The following SLC25A17 variants were observed in gnomAD, a reference collection of about 807,000 sequenced individuals.
SLC25A17 encodes solute carrier family 25 member 17.
Under a neutral mutation model 38.5 loss-of-function variants are expected in SLC25A17, and 26 were observed. That is an observed-to-expected ratio of 0.68 (90% confidence interval 0.50 to 0.94). SLC25A17 has a LOEUF of 0.94. SLC25A17 is among the 40% of genes least tolerant of loss of function. The pLI, the probability that SLC25A17 is intolerant of heterozygous loss-of-function variation, is 0.00. For missense variants in SLC25A17, 333 were observed against 372.7 expected (o/e 0.89, Z 0.88); for synonymous variants, 139 against 136.2 (o/e 1.02, Z -0.14).
chr22:40,796,614 TCA>T (rs1491257526), intron 2 of SLC25A17, among the ~76,000 whole-genome samples: 5 of 130,622 alleles, frequency 3.8e-5, no homozygotes, highest in Admixed American at 1.5e-4. Flanking sequence ...AGACTCTGTC[TCA>T]AAAAAAAAAA....
At chr22:40,783,295 G>C (rs1229723109) in intron 4 of SLC25A17, among the ~76,000 whole-genome samples, 1 of 152,238 alleles carries the variant, frequency 6.6e-6, no homozygotes, top group African/African-American at 2.4e-5. Flanking sequence ...GTGGGCTCTT[G>C]TGTAGGATGA....
chr22:40,775,438 T>A (rs1323075684), intron 7 of SLC25A17, among the ~76,000 whole-genome samples: 1 of 32,850 alleles, frequency 3.0e-5, no homozygotes, highest in Admixed American at 2.1e-4. Flanking sequence ...ATCTGATGGT[T>A]TTTTTTTTTT....
intron 7 of SLC25A17, among the ~76,000 whole-genome samples, chr22:40,776,492 T>C (rs944860215): frequency 7.2e-5 from 11 of 152,374 alleles, no homozygotes; most frequent in African/African-American, 2.6e-4. Context: ...TTTAAGGAAC[T>C]TGTCTCCACA....
intron 1 of SLC25A17, among the ~76,000 whole-genome samples, chr22:40,807,882 T>C (rs2057543883): frequency 6.6e-6 from 1 of 152,204 alleles, no homozygotes; most frequent in African/African-American, 2.4e-5. Context: ...TATAAGCAGC[T>C]GTTACCTGAA....
intron 4 of SLC25A17, among the ~76,000 whole-genome samples, chr22:40,783,106 G>T (rs1385403358): frequency 1.3e-5 from 2 of 152,098 alleles, no homozygotes; most frequent in Non-Finnish European, 2.9e-5. Flanking sequence ...TTGTTATGAA[G>T]AGAAGTTTAA....
intron 1 of SLC25A17, among the ~76,000 whole-genome samples, chr22:40,813,327 C>T (rs1428907106): frequency 2.0e-5 from 3 of 152,034 alleles, no homozygotes; most frequent in Non-Finnish European, 4.4e-5. Context: ...CACTTGAGGT[C>T]AGGAGTTCGA....
intron 1 of SLC25A17, among the ~76,000 whole-genome samples, chr22:40,814,776 TA>T (rs2057619360): frequency 1.4e-5 from 2 of 145,192 alleles, no homozygotes; most frequent in Admixed American, 6.8e-5. Context: ...TATATATATA[TA>T]TATATATATA....
At chr22:40,816,989 C>A (rs1006261128) in intron 1 of SLC25A17, among the ~76,000 whole-genome samples, 1 of 152,176 alleles carries the variant, frequency 6.6e-6, no homozygotes, top group Non-Finnish European at 1.5e-5. Flanking sequence ...ACTCCTTGCA[C>A]CTAGAACAGC....
intron 4 of SLC25A17, among the ~76,000 whole-genome samples, chr22:40,781,818 T>A (rs947917237): frequency 2.0e-5 from 3 of 152,140 alleles, no homozygotes; most frequent in Admixed American, 2.0e-4. Flanking sequence ...AAGGTCAGCA[T>A]TCCACTGAGA....
chr22:40,781,061 C>T (rs1367706467), intron 4 of SLC25A17, among the ~76,000 whole-genome samples: 1 of 152,030 alleles, frequency 6.6e-6, no homozygotes, highest in Non-Finnish European at 1.5e-5. Context: ...GTTCCAGCTA[C>T]TCAAGAGGCT....
chr22:40,814,496 A>T (rs988359832), intron 1 of SLC25A17, among the ~76,000 whole-genome samples: 3 of 151,928 alleles, frequency 2.0e-5, no homozygotes, highest in African/African-American at 7.3e-5. Flanking sequence ...TATGATTTAC[A>T]ATATTGACTG....
intron 4 of SLC25A17, among the ~76,000 whole-genome samples, chr22:40,787,398 G>A (rs1434768450): frequency 1.3e-5 from 2 of 152,188 alleles, no homozygotes; most frequent in Non-Finnish European, 1.5e-5. Context: ...CTTGGTAAGC[G>A]TAAAACTCAG....
At chr22:40,776,804 A>G (rs1006931981) in intron 7 of SLC25A17, among the ~76,000 whole-genome samples, 1 of 152,104 alleles carries the variant, frequency 6.6e-6, no homozygotes, top group Admixed American at 6.5e-5. Flanking sequence ...CTGAGGCAGG[A>G]GGACTGCTTG....
chr22:40,804,131 C>T (rs552976884), intron 1 of SLC25A17, among the ~76,000 whole-genome samples: 4 of 152,170 alleles, frequency 2.6e-5, no homozygotes, highest in Admixed American at 2.6e-4. Context: ...ACTTTCAATC[C>T]CAATTCGGGC....
Position 40,799,172 on chromosome 22 carries a change from T to A in SLC25A17, c.55-89A>T, listed in dbSNP as rs959918616. ...TTTGAGACAGGATCTTGCTCTGTCA[T>A]CTAGGCTGGAGTGCAGTGGTTTACG... is the stretch of plus-strand genomic sequence containing the variant. On this transcript the variant is annotated intron_variant, in intron 1 of 8. Transcript: ENST00000435456. The A allele has an allele frequency of 6.6e-6, 6 of 915,104 alleles. No individual in the cohort carries two copies. The African/African-American group carries it at 1.3e-4, about 20-fold the overall frequency. The allele number at this position is 915,104 out of a possible 1,614,324, so 56.7% of individuals were successfully genotyped here.
In SLC25A17 at chr22:40,806,362, C is replaced by T. The variant is rs1488220968; in HGVS notation, c.55-7279G>A. 2.0e-5 allele frequency among the ~76,000 whole-genome samples: 3 copies of T among 152,052 alleles called. No homozygotes were observed. The East Asian group carries it at 5.8e-4, about 29-fold the overall frequency. ...AAGTTGAAATGTAGGCTTCCATTTC[C>T]AGCAATATGGTAGCCTAGACAACGT... is the stretch of plus-strand genomic sequence containing the variant. On this transcript the variant is annotated intron_variant, in intron 1 of 8. Transcript: ENST00000435456.
At chr22:40,772,373 C>T (rs1054994187) in intron 8 of SLC25A17, among the ~76,000 whole-genome samples, 1 of 152,172 alleles carries the variant, frequency 6.6e-6, no homozygotes, top group African/African-American at 2.4e-5. Flanking sequence ...GGCACAATCA[C>T]AGCTCACTGC....
At chr22:40,792,027 C>T (rs375855942) in intron 4 of SLC25A17, among the ~76,000 whole-genome samples, 28 of 152,182 alleles carry the variant, frequency 1.8e-4, no homozygotes, top group Middle Eastern at 6.8e-3. Context: ...GTGATATATA[C>T]ATATAATGGA....
intron 1 of SLC25A17, 77 bp downstream of exon 1, chr22:40,819,118 C>T: frequency 4.7e-6 from 7 of 1,487,284 alleles, no homozygotes; most frequent in Non-Finnish European, 6.5e-6. Flanking sequence ...CAGACCCATC[C>T]CTCAGGCATA....
Sources: allele counts gnomAD v4.1 joint callset (sites outside exome capture counted in the v4.1 genomes callset), GRCh38; gene constraint gnomAD v4.1.1; transcripts MANE v1.5; gene names NCBI Gene and HGNC (gene_info 2026-07-23, HGNC 2026-07-21).